ANKS3: variants seen among roughly 807,000 people sequenced by gnomAD.
ANKS3 encodes ankyrin repeat and SAM domain-containing protein 3.
ANKS3 carries 62 observed loss-of-function variants against 80.7 expected under a neutral mutation model. The observed-to-expected ratio is 0.77, with a 90% CI of 0.63 to 0.95. The LOEUF is 0.95. ANKS3 is among the 40% of genes least tolerant of loss of function. The pLI is 0.00. For synonymous variants in ANKS3, 489 were observed against 355.3 expected (o/e 1.38, Z -4.23); for missense variants, 1,150 against 883.6 (o/e 1.30, Z -3.82).
In ANKS3 at chr16:4,724,997, C is replaced by T. The variant is rs146790672; in HGVS notation, c.492-166G>A. 95 of 555,510 alleles carry T rather than the reference C, an allele frequency of 1.7e-4. 1 individual carries two copies. The highest frequency in any genetic ancestry group is 1.6e-3 in the African/African-American group (86 of 52,184). The allele number at this position is 555,510 out of a possible 1,614,324, so 34.4% of individuals were successfully genotyped here. Reference sequence around the variant, plus strand: ...GGTGACATGAGAACAGTGAATATAACACATCAGCTCCATTTACTCTTCTGG... The same window carrying T: ...GGTGACATGAGAACAGTGAATATAATACATCAGCTCCATTTACTCTTCTGG... On this transcript the variant is annotated intron_variant, in intron 5 of 17. Transcript: ENST00000304283.
chr16:4,730,218 T>A, intron 2 of ANKS3, 67 bp from the exon 3 acceptor site: 1 of 1,386,220 alleles, frequency 7.2e-7, no homozygotes, highest in Non-Finnish European at 9.4e-7. Context: ...AACAGGCTGG[T>A]CCTGCCCCTG....
chr16:4,719,676 G>A (rs1028788483), intron 6 of ANKS3, among the ~76,000 whole-genome samples: 4 of 151,646 alleles, frequency 2.6e-5, no homozygotes, highest in Non-Finnish European at 4.4e-5. Flanking sequence ...GTGCGTGCCT[G>A]TAGTCCCAGC....
intron 6 of ANKS3, among the ~76,000 whole-genome samples, chr16:4,716,807 C>A (rs567137477): frequency 4.5e-4 from 69 of 152,078 alleles, no homozygotes; most frequent in Middle Eastern, 3.4e-3. Flanking sequence ...CCCAGCTACT[C>A]AGGAGGCTGA....
At chr16:4,722,256 G>A (rs1157953167) in intron 6 of ANKS3, among the ~76,000 whole-genome samples, 1 of 151,378 alleles carries the variant, frequency 6.6e-6, no homozygotes, top group Admixed American at 6.6e-5. Context: ...ATAGAAAATT[G>A]GGCAATAAAC....
At position 4,734,199 on chromosome 16, in the gene ANKS3, G is replaced by T; in HGVS notation, c.-332C>A. 8.7e-6 allele frequency: 1 copy of T among 114,668 alleles called. No homozygotes were observed. Among genetic ancestry groups the T allele is most frequent in the Non-Finnish European group, 1.3e-5 (1 of 76,350 alleles). The allele number at this position is 114,668 out of a possible 1,614,324, so 7.1% of individuals were successfully genotyped here. A position where few individuals can be genotyped will look rare whatever the true frequency, so the allele number is the denominator to read the frequency against. ...CTTGCGCCGCCCTCGGGCTGCCGTC[G>T]CCAACCCCCCCCAAACAGCTCGCCG... On this transcript the variant is annotated 5_prime_UTR_variant, in exon 1 of 18. Coordinates refer to ENST00000304283, the MANE Select transcript of ANKS3 (RefSeq NM_133450.4).
intron 6 of ANKS3, among the ~76,000 whole-genome samples, chr16:4,715,334 T>C (rs181131593): frequency 1.8e-4 from 27 of 152,320 alleles, no homozygotes; most frequent in African/African-American, 5.3e-4. Flanking sequence ...CTGTACACTG[T>C]AACTGTCCTT....
rs374745699 is a variant in ANKS3 at position 4,696,746 on chromosome 16, C to A, written c.*162G>T. ...CCGAGCTGCCGAGCCAGGGCCGCAG[C>A]CCCCGTCTTGCCTCTGTCTGCCGGC... On this transcript the variant is annotated 3_prime_UTR_variant, in exon 18 of 18. Coordinates refer to ENST00000304283, the MANE Select transcript of ANKS3 (RefSeq NM_133450.4). 1.9e-5 allele frequency: 10 copies of A among 529,204 alleles called. No homozygotes were observed. The East Asian group carries it at 2.0e-4, about 10-fold the overall frequency. 32.8% of individuals were successfully genotyped at this position (529,204 alleles called of 1,614,324 possible).
Position 4,698,945 on chromosome 16 carries a change from C to A in ANKS3, c.1410-4G>T. 2 of 1,603,568 alleles carry A rather than the reference C, an allele frequency of 1.2e-6. No individual in the cohort carries two copies. Among genetic ancestry groups the A allele is most frequent in the South Asian group, 2.2e-5 (2 of 89,914 alleles). On this transcript the variant is annotated splice_polypyrimidine_tract_variant and splice_region_variant and intron_variant, in intron 12 of 17. Transcript: ENST00000304283. ...CTTCCTCTTGGGCCCAAACAGCCTG[C>A]GGGGGGAATGTGACCAGGATATGCC...
In ANKS3 at chr16:4,702,085, G is replaced by T; in HGVS notation, c.1009+17C>A. The T allele has an allele frequency of 6.4e-7, 1 of 1,568,604 alleles. No individual in the cohort carries two copies. Among genetic ancestry groups the T allele is most frequent in the South Asian group, 1.1e-5 (1 of 87,514 alleles). ...ACCTGCCTGAGCCACGGGCCGGATGGGTGGGGGTGCACGTACCCCGACTGC... is the reference window on the plus strand; with the variant it reads ...ACCTGCCTGAGCCACGGGCCGGATGTGTGGGGGTGCACGTACCCCGACTGC... On this transcript the variant is annotated intron_variant, in intron 9 of 17. Transcript: ENST00000304283.
Position 4,702,103 on chromosome 16 carries a change from CCGA to C in ANKS3, c.1005_1007del (p.Ser335del). The C allele has an allele frequency of 6.3e-7, 1 of 1,588,266 alleles. No individual in the cohort carries two copies. The highest frequency in any genetic ancestry group is 8.5e-7 in the Non-Finnish European group (1 of 1,171,062). On this transcript the variant is annotated inframe_deletion and splice_region_variant, in exon 9 of 18. Coordinates refer to ENST00000304283, the MANE Select transcript of ANKS3 (RefSeq NM_133450.4). Reference sequence around the variant, plus strand: ...CCGGATGGGTGGGGGTGCACGTACCCCGACTGCTGCTGCTGCTGCTGCTCTCCA... The same window carrying C: ...CCGGATGGGTGGGGGTGCACGTACCCCTGCTGCTGCTGCTGCTGCTCTCCA...
chr16:4,729,338 G>A (rs1418894717), intron 3 of ANKS3: 6 of 152,222 alleles, frequency 3.9e-5, no homozygotes, highest in African/African-American at 1.2e-4. Flanking sequence ...TCCGGGAAAA[G>A]AAGGCCAGGG....
chr16:4,698,191 G>C, intron 14 of ANKS3, 129 bp from the exon 15 acceptor site: 1 of 1,208,008 alleles, frequency 8.3e-7, no homozygotes. Context: ...GGCTGGGCCA[G>C]TGCCCCATGA....
At chr16:4,701,970 A>G in intron 9 of ANKS3, 132 bp downstream of exon 9, 1 of 1,178,552 alleles carries the variant, frequency 8.5e-7, no homozygotes, top group Non-Finnish European at 1.2e-6. Flanking sequence ...AGGGCCGTCC[A>G]CACCTACCCC....
intron 6 of ANKS3, among the ~76,000 whole-genome samples, chr16:4,716,846 C>T (rs866239121): frequency 5.3e-5 from 8 of 151,630 alleles, no homozygotes; most frequent in Middle Eastern, 3.2e-3. Context: ...ATCCAGGAGG[C>T]GGAGGTTGCA....
intron 2 of ANKS3, 136 bp from the exon 3 acceptor site, chr16:4,730,287 G>T: frequency 1.3e-6 from 1 of 770,500 alleles, no homozygotes; most frequent in Non-Finnish European, 1.8e-6. Context: ...GAGTAACTCA[G>T]ACAAATTTAT....
At chr16:4,733,399 C>T (rs547931305) in intron 1 of ANKS3, among the ~76,000 whole-genome samples, 113 of 152,072 alleles carry the variant, frequency 7.4e-4, no homozygotes, top group African/African-American at 2.6e-3. Context: ...TCAAGCGATT[C>T]TCCTGCCTCA....
intron 7 of ANKS3, among the ~76,000 whole-genome samples, chr16:4,709,803 G>C (rs543695791): frequency 6.6e-6 from 1 of 152,244 alleles, no homozygotes; most frequent in Admixed American, 6.5e-5. Context: ...TTGAGCCCAG[G>C]AGTTCAAAAC....
chr16:4,724,922 C>T (rs2081280986), intron 5 of ANKS3, 91 bp from the exon 6 acceptor site: 3 of 1,066,998 alleles, frequency 2.8e-6, no homozygotes, highest in Non-Finnish European at 2.8e-6. Context: ...GAGCAGTGCA[C>T]GAGTCACCGA....
rs916058248 is a variant in ANKS3, at chr16:4,731,523, C to T, written c.-14G>A. The T allele has an allele frequency of 7.4e-5, 44 of 591,716 alleles. No individual in the cohort carries two copies. Among genetic ancestry groups the T allele is most frequent in the Non-Finnish European group, 8.9e-5 (42 of 470,520 alleles). 36.7% of individuals were successfully genotyped at this position (591,716 alleles called of 1,614,324 possible). On this transcript the variant is annotated 5_prime_UTR_variant, in exon 2 of 18. Transcript: ENST00000304283. ...CTCGAACTCCTCACCTCAGGTGATCCGCCCGCCTCAGCCTCTCAAAGTCCT... is the reference window on the plus strand; with the variant it reads ...CTCGAACTCCTCACCTCAGGTGATCTGCCCGCCTCAGCCTCTCAAAGTCCT...
Sources: gnomAD v4.1 joint callset for allele counts (sites outside exome capture counted in the v4.1 genomes callset) on GRCh38, gnomAD v4.1.1 for gene constraint, MANE v1.5 for transcripts, NCBI Gene and HGNC (gene_info 2026-07-23, HGNC 2026-07-21) for gene names.